The following ANK2 variants were observed in gnomAD, a reference collection of about 807,000 sequenced individuals.
The protein encoded by ANK2 is ankyrin-2.
A neutral mutation model predicts 360.5 loss-of-function variants in ANK2; 83 were observed. The ratio of observed to expected loss-of-function variants is 0.23; its 90% confidence interval spans 0.19 to 0.28. ANK2 has a LOEUF of 0.28. Ranked by LOEUF, ANK2 falls within the 10% of genes least tolerant of loss-of-function variation. The pLI is 1.00. For missense variants in ANK2, 4,201 were observed against 4,795.7 expected, an observed-to-expected ratio of 0.88 and a Z score of 3.66; for synonymous variants, 1,740 against 1,759.5, an observed-to-expected ratio of 0.99 and a Z score of 0.28.
intron 16 of ANK2, 24 bp downstream of exon 16, chr4:113,277,959 A>G (rs764399772): frequency 1.3e-6 from 2 of 1,584,652 alleles, no homozygotes. Flanking sequence ...ATACGTTATA[A>G]TTATGTAACA....
At chr4:113,206,402 C>T (rs74770367) in intron 4 of ANK2, among the ~76,000 whole-genome samples, 4,221 of 152,266 alleles carry the variant, frequency 0.028, 95 homozygotes, top group East Asian at 0.066. Flanking sequence ...CGTCCATGTT[C>T]CCGCAAAGGA....
chr4:113,116,547 A>C (rs2094800986), intron 1 of ANK2, among the ~76,000 whole-genome samples: 1 of 152,158 alleles, frequency 6.6e-6, no homozygotes, highest in Non-Finnish European at 1.5e-5. Flanking sequence ...AAGTAACTCC[A>C]ACTGTGCTCC....
intron 39 of ANK2, among the ~76,000 whole-genome samples, chr4:113,362,024 A>C (rs2096255341): frequency 6.6e-6 from 1 of 152,172 alleles, no homozygotes; most frequent in African/African-American, 2.4e-5. Context: ...TTTTAGAAAA[A>C]ATATACAGTG....
chr4:112,882,941 A>G (rs952835681), intron 1 of ANK2, among the ~76,000 whole-genome samples: 2 of 144,020 alleles, frequency 1.4e-5, no homozygotes, highest in African/African-American at 5.2e-5. Context: ...TATACCTCCT[A>G]TCCCCTGGAG....
chr4:113,216,579 A>T (rs1170489657), intron 4 of ANK2, among the ~76,000 whole-genome samples: 1 of 152,240 alleles, frequency 6.6e-6, no homozygotes, highest in Non-Finnish European at 1.5e-5. Context: ...ATATCATTTC[A>T]GAGGCCAAAA....
rs556299452 is a variant in ANK2 at position 113,252,292 on chromosome 4, G to A, written c.990+2430G>A. 7.2e-5 allele frequency among the ~76,000 whole-genome samples: 11 copies of A among 152,200 alleles called. 1 individual carries two copies. In the South Asian group the frequency reaches 8.3e-4, roughly 11 times the overall value. ...AGTTATCTCCCACTGGGTCCCTCTCGCAACACAAGGGAATTATGGGAGCTG... is the reference window on the plus strand; with the variant it reads ...AGTTATCTCCCACTGGGTCCCTCTCACAACACAAGGGAATTATGGGAGCTG... On this transcript the variant is annotated intron_variant, in intron 10 of 45. Transcript: ENST00000357077.
chr4:113,132,586 G>T (rs1019892295), intron 1 of ANK2, among the ~76,000 whole-genome samples: 1 of 152,160 alleles, frequency 6.6e-6, no homozygotes, highest in African/African-American at 2.4e-5. Flanking sequence ...GCCAGACGGA[G>T]CCCATGAGAT....
chr4:112,827,100 C>A (rs541042051), intron 1 of ANK2: 6 of 1,114,542 alleles, frequency 5.4e-6, no homozygotes, highest in East Asian at 2.3e-5. Flanking sequence ...AATTATGAAG[C>A]CTTCTAGAAA....
intron 13 of ANK2, among the ~76,000 whole-genome samples, chr4:113,264,483 C>T (rs187726135): frequency 5.7e-4 from 86 of 152,016 alleles, no homozygotes; most frequent in African/African-American, 1.0e-3. Flanking sequence ...CCTGGATGTT[C>T]GGATAAATTT....
At chr4:113,352,734 G>A (rs1410142808) in intron 37 of ANK2, among the ~76,000 whole-genome samples, 1 of 151,386 alleles carries the variant, frequency 6.6e-6, no homozygotes, top group South Asian at 2.1e-4. Flanking sequence ...GTTTTGATAT[G>A]TAGTGTTTTT....
chr4:112,982,901 T>C (rs1412047511), intron 2 of ANK2, among the ~76,000 whole-genome samples: 1 of 152,240 alleles, frequency 6.6e-6, no homozygotes, highest in Admixed American at 6.5e-5. Context: ...TGTTTTGCAA[T>C]CTGTGCAGTA....
intron 36 of ANK2, among the ~76,000 whole-genome samples, chr4:113,349,219 G>T (rs940872023): frequency 2.0e-5 from 3 of 152,038 alleles, no homozygotes; most frequent in African/African-American, 7.2e-5. Context: ...ATGTGTGTTT[G>T]TCTCCGTTAT....
At chr4:112,754,125 A>AG in the ANK2 span, among the ~76,000 whole-genome samples, 23 of 138,852 alleles carry the variant, frequency 1.7e-4, 2 homozygotes, top group African/African-American at 5.6e-4. Flanking sequence ...ATATATATAT[A>AG]TATATATATA....
Position 113,357,266 on chromosome 4 carries a change from T to C in ANK2, c.8648T>C (p.Phe2883Ser). 6.2e-7 allele frequency: 1 copy of C among 1,614,056 alleles called. No individual in the cohort carries two copies. Among genetic ancestry groups the C allele is most frequent in the Non-Finnish European group, 8.5e-7 (1 of 1,180,006 alleles). Residue 2883 changes from phenylalanine (F) to serine (S), a missense_variant, in exon 38 of 46, where the codon TTT (phenylalanine) becomes TCT (serine). This residue lies in a region of ANK2 where 2,642 missense variants were observed against 2,714.5 expected (regional missense o/e 0.97). Transcript: ENST00000357077. ...KTEVTKTDET[F>S]ENLPKDCPSQ... is the part of the protein sequence containing the mutation. ...GAGGTCACAAAAACTGATGAAACAT[T>C]TGAGAACTTACCAAAGGACTGCCCC...
the ANK2 span, among the ~76,000 whole-genome samples, chr4:112,720,839 C>T: frequency 1.6e-4 from 24 of 152,140 alleles, no homozygotes; most frequent in Non-Finnish European, 3.2e-4. Flanking sequence ...ATGGAAAAGT[C>T]ATTATACATT....
intron 2 of ANK2, among the ~76,000 whole-genome samples, chr4:113,043,585 T>A (rs1030466050): frequency 2.0e-5 from 3 of 152,172 alleles, no homozygotes; most frequent in Admixed American, 1.3e-4. Context: ...CAGTGGCTTT[T>A]TCATTGTGAA....
At chr4:113,102,806 T>C in intron 1 of ANK2, among the ~76,000 whole-genome samples, 1 of 152,238 alleles carries the variant, frequency 6.6e-6, no homozygotes, top group South Asian at 2.1e-4. Context: ...CGGAACTGAA[T>C]TTCTAGATAT....
At chr4:113,123,583 A>T (rs947352904) in intron 1 of ANK2, among the ~76,000 whole-genome samples, 1 of 152,196 alleles carries the variant, frequency 6.6e-6, no homozygotes, top group African/African-American at 2.4e-5. Flanking sequence ...GTCATCAGCT[A>T]TTTGAGTGTG....
At position 113,346,122 on chromosome 4, in the gene ANK2, G is replaced by A. The variant is rs56148912; in HGVS notation, c.4371+100G>A. ...AAAAGTAATGGCAAAAACAGCAATT[G>A]CTTTTGCACTGACCTAATAAAATGA... On this transcript the variant is annotated intron_variant, in intron 35 of 45. Coordinates refer to ENST00000357077, the MANE Select transcript of ANK2 (RefSeq NM_001148.6). The A allele has an allele frequency of 0.014, 19,649 of 1,372,380 alleles. 181 individuals carry two copies. Among genetic ancestry groups the A allele is most frequent in the South Asian group, 0.019 (1,637 of 85,204 alleles). 85.0% of individuals were successfully genotyped at this position (1,372,380 alleles called of 1,614,324 possible). A position where few individuals can be genotyped will look rare whatever the true frequency, so the allele number is the denominator to read the frequency against.
Sources: allele counts gnomAD v4.1 joint callset (sites outside exome capture counted in the v4.1 genomes callset), GRCh38; gene constraint gnomAD v4.1.1; regional missense constraint gnomAD v4.1.1; transcripts MANE v1.5; gene names NCBI Gene and HGNC (gene_info 2026-07-23, HGNC 2026-07-21).